PALLD: variants seen among roughly 807,000 people sequenced by gnomAD.
The protein encoded by PALLD is palladin, cytoskeletal associated protein.
PALLD carries 61 observed loss-of-function variants against 123.5 expected under a neutral mutation model. The observed-to-expected ratio is 0.49, with a 90% CI of 0.40 to 0.61. PALLD has a LOEUF of 0.61. Among genes scored for constraint, PALLD ranks in the 20% least tolerant of loss-of-function variants. The pLI is 0.00. For synonymous variants in PALLD, 465 were observed against 496.4 expected (o/e 0.94, Z 0.84); for missense variants, 1,273 against 1,377.0 (o/e 0.92, Z 1.20).
intron 10 of PALLD, among the ~76,000 whole-genome samples, chr4:168,806,600 G>A (rs1428487490): frequency 6.6e-6 from 1 of 152,130 alleles, no homozygotes; most frequent in Non-Finnish European, 1.5e-5. Context: ...AGCAGTGTGA[G>A]AACAGACTAA....
At chr4:168,709,614 A>G (rs76058312) in intron 9 of PALLD, among the ~76,000 whole-genome samples, 6 of 178 alleles carry the variant, frequency 0.034, 1 homozygote, top group African/African-American at 0.054. Flanking sequence ...GAGGGAGGGA[A>G]GGAAGGAAGG....
At chr4:168,501,183 C>T (rs1249143668) in intron 1 of PALLD, among the ~76,000 whole-genome samples, 1 of 152,050 alleles carries the variant, frequency 6.6e-6, no homozygotes, top group Non-Finnish European at 1.5e-5. Flanking sequence ...GAGCCTGAGG[C>T]AGGAGGATTG....
intron 10 of PALLD, among the ~76,000 whole-genome samples, chr4:168,881,381 A>G (rs927145442): frequency 1.3e-5 from 2 of 151,956 alleles, no homozygotes; most frequent in Admixed American, 1.3e-4. Flanking sequence ...GCAGGGAACA[A>G]AGGTCATGGA....
intron 10 of PALLD, among the ~76,000 whole-genome samples, chr4:168,737,745 C>T (rs932137530): frequency 6.6e-6 from 1 of 152,144 alleles, no homozygotes; most frequent in Admixed American, 6.5e-5. Context: ...CTGTTAGTGA[C>T]GAACAGATCA....
At chr4:168,772,354 C>T (rs906284221) in intron 10 of PALLD, among the ~76,000 whole-genome samples, 6 of 152,160 alleles carry the variant, frequency 3.9e-5, no homozygotes, top group African/African-American at 1.2e-4. Context: ...TATCTCTGCT[C>T]TTATTTTCAT....
intron 2 of PALLD, among the ~76,000 whole-genome samples, chr4:168,583,200 G>T (rs936380620): frequency 2.0e-5 from 3 of 152,104 alleles, no homozygotes; most frequent in Non-Finnish European, 4.4e-5. Context: ...ATTAGGAAAA[G>T]TTAGGAGGAT....
chr4:168,605,133 C>A (rs1773042150), intron 2 of PALLD, among the ~76,000 whole-genome samples: 1 of 151,998 alleles, frequency 6.6e-6, no homozygotes, highest in African/African-American at 2.4e-5. Flanking sequence ...TTCTGGTGGT[C>A]ACTTCAAGTC....
intron 2 of PALLD, among the ~76,000 whole-genome samples, chr4:168,647,514 C>T (rs1275449504): frequency 6.6e-6 from 1 of 152,134 alleles, no homozygotes; most frequent in Non-Finnish European, 1.5e-5. Context: ...GGGCGTGTAG[C>T]TCATGCCTGT....
intron 10 of PALLD, among the ~76,000 whole-genome samples, chr4:168,781,700 G>A (rs1384319993): frequency 2.6e-5 from 4 of 152,114 alleles, no homozygotes; most frequent in Non-Finnish European, 5.9e-5. Flanking sequence ...AGTAGGGCTG[G>A]TTACAAGGTA....
intron 10 of PALLD, among the ~76,000 whole-genome samples, chr4:168,879,352 T>G (rs1400351049): frequency 6.6e-6 from 1 of 152,218 alleles, no homozygotes. Context: ...ATGCTAGTAC[T>G]TACTCATTTT....
chr4:168,913,070 T>G (rs149886387), intron 15 of PALLD, among the ~76,000 whole-genome samples: 73 of 152,204 alleles, frequency 4.8e-4, no homozygotes, highest in Non-Finnish European at 8.7e-4. Context: ...CCACGCATAC[T>G]TCTTACATAA....
At chr4:168,498,192 G>A (rs778293844) in intron 1 of PALLD, among the ~76,000 whole-genome samples, 11 of 152,006 alleles carry the variant, frequency 7.2e-5, no homozygotes, top group Non-Finnish European at 1.3e-4. Flanking sequence ...AGAAAAGGCC[G>A]ATGAGGTTTA....
intron 10 of PALLD, among the ~76,000 whole-genome samples, chr4:168,748,085 A>G (rs1244431872): frequency 6.6e-6 from 1 of 152,200 alleles, no homozygotes; most frequent in Non-Finnish European, 1.5e-5. Context: ...ATATTGACAC[A>G]AAGGTTTCAG....
At chr4:168,552,119 A>T (rs1255731564) in intron 2 of PALLD, among the ~76,000 whole-genome samples, 1 of 152,164 alleles carries the variant, frequency 6.6e-6, no homozygotes, top group East Asian at 1.9e-4. Context: ...GTGAAAACTG[A>T]GTCTCAGAGA....
chr4:168,614,826 G>A (rs979676416), intron 2 of PALLD, among the ~76,000 whole-genome samples: 2 of 152,132 alleles, frequency 1.3e-5, no homozygotes, highest in Non-Finnish European at 2.9e-5. Context: ...TTCCTCCCCA[G>A]TCCTGCACGG....
intron 8 of PALLD, among the ~76,000 whole-genome samples, chr4:168,701,671 C>T (rs891768399): frequency 1.3e-5 from 2 of 152,190 alleles, no homozygotes; most frequent in African/African-American, 2.4e-5. Context: ...TTGAAGCATC[C>T]TCAGGCATTG....
intron 2 of PALLD, among the ~76,000 whole-genome samples, chr4:168,568,880 G>A (rs983341692): frequency 6.6e-6 from 1 of 151,674 alleles, no homozygotes; most frequent in Non-Finnish European, 1.5e-5. Flanking sequence ...TTTCAGAGTT[G>A]GGGTGTGTGA....
chr4:168,835,137 CA>C (rs1173065767), intron 10 of PALLD, among the ~76,000 whole-genome samples: 1 of 152,164 alleles, frequency 6.6e-6, no homozygotes, highest in Non-Finnish European at 1.5e-5. Context: ...GTGTATTCGA[CA>C]TTTTCTTTTG....
chr4:168,863,603 AGAC>A (rs1483219547), intron 10 of PALLD, among the ~76,000 whole-genome samples: 1 of 151,848 alleles, frequency 6.6e-6, no homozygotes, highest in African/African-American at 2.4e-5. Flanking sequence ...TAATTTTGAA[AGAC>A]GATAGCATGA....
Sources: gnomAD v4.1 joint callset for allele counts (sites outside exome capture counted in the v4.1 genomes callset) on GRCh38, gnomAD v4.1.1 for gene constraint, MANE v1.5 for transcripts, NCBI Gene and HGNC (gene_info 2026-07-23, HGNC 2026-07-21) for gene names.